The following MYT1L variants were observed in gnomAD, a reference collection of about 807,000 sequenced individuals.
MYT1L encodes the protein myelin transcription factor 1-like protein.
Under a neutral mutation model 126.7 loss-of-function variants are expected in MYT1L, and 12 were observed. That is an observed-to-expected ratio of 0.09 (90% CI 0.06 to 0.15). MYT1L has a LOEUF of 0.15. Ranked by LOEUF, MYT1L falls within the 10% of genes least tolerant of loss-of-function variation. The probability of loss-of-function intolerance (pLI) is 1.00; values close to 1 mark genes in which losing one functional copy is unlikely to be tolerated. For missense variants in MYT1L, 979 were observed against 1,585.2 expected, an observed-to-expected ratio of 0.62 and a Z score of 6.49; for synonymous variants, 541 against 604.2, an observed-to-expected ratio of 0.90 and a Z score of 1.53.
chr2:2,004,310 C>A (rs1246725251), intron 4 of MYT1L, among the ~76,000 whole-genome samples: 1 of 144,776 alleles, frequency 6.9e-6, no homozygotes, highest in Non-Finnish European at 1.5e-5. Context: ...TGCATGCGTT[C>A]TTTCCTGCAG....
At chr2:1,890,235 A>T (rs1273817928) in intron 15 of MYT1L, among the ~76,000 whole-genome samples, 2 of 151,788 alleles carry the variant, frequency 1.3e-5, no homozygotes, top group African/African-American at 4.8e-5. Flanking sequence ...ATGCCCAACT[A>T]ATTTTTGTAT....
intron 18 of MYT1L, among the ~76,000 whole-genome samples, chr2:1,863,538 C>T (rs2044998539): frequency 7.2e-6 from 1 of 139,108 alleles, no homozygotes; most frequent in African/African-American, 2.6e-5. Context: ...GCCACGCTTG[C>T]AGAGTACTGT....
intron 11 of MYT1L, among the ~76,000 whole-genome samples, chr2:1,915,932 G>A (rs192209144): frequency 1.3e-5 from 2 of 152,300 alleles, no homozygotes; most frequent in Admixed American, 1.3e-4. Flanking sequence ...TGCGGGTTCA[G>A]TGAACTTGTG....
chr2:2,249,077 A>G (rs1008216225), intron 2 of MYT1L, among the ~76,000 whole-genome samples: 8 of 152,148 alleles, frequency 5.3e-5, no homozygotes, highest in Non-Finnish European at 1.0e-4. Flanking sequence ...AAGTAAAGTA[A>G]TTCTTGTTTG....
rs528801868 is a variant in MYT1L, at chr2:2,040,923, C to A, written c.-158+13055G>T. ...ATTCTGACACCATCTCCATAGTAAC[C>A]AATGTGCTTAGAAAGCAGAAAAATA... On this transcript the variant is annotated intron_variant, in intron 4 of 24. Coordinates refer to ENST00000647738, the MANE Select transcript of MYT1L (RefSeq NM_001303052.2). Among the ~76,000 whole-genome samples, 6 of 152,148 alleles carry A rather than the reference C, an allele frequency of 3.9e-5. No homozygotes were observed. The East Asian group carries it at 9.6e-4, about 24-fold the overall frequency.
intron 4 of MYT1L, among the ~76,000 whole-genome samples, chr2:2,037,751 C>T (rs1258015279): frequency 5.3e-5 from 8 of 149,978 alleles, no homozygotes; most frequent in African/African-American, 1.2e-4. Context: ...AGCCAGACTC[C>T]GTCTCAAAAA....
chr2:1,979,390 G>T lies in MYT1L; in HGVS notation c.89+131C>A. The T allele has an allele frequency of 8.8e-7, 1 of 1,130,008 alleles. No homozygotes were observed. Among genetic ancestry groups the T allele is most frequent in the Non-Finnish European group, 1.3e-6 (1 of 749,240 alleles). The allele number at this position is 1,130,008 out of a possible 1,614,324, so 70.0% of individuals were successfully genotyped here. On this transcript the variant is annotated intron_variant, in intron 7 of 24. Transcript: ENST00000647738. This position sits in a 1 kb window ranked among gnomAD's most constrained non-coding sequence, Gnocchi z 4.0. ...GAGGCTTTTTACGAGCAAGTCTCGG[G>T]GGAATTAATTTCATCAGTGCAGCAG... is the stretch of plus-strand genomic sequence containing the variant.
intron 2 of MYT1L, among the ~76,000 whole-genome samples, chr2:2,187,779 C>T (rs2092318367): frequency 6.6e-6 from 1 of 152,152 alleles, no homozygotes; most frequent in African/African-American, 2.4e-5. Flanking sequence ...CTGTTATTCT[C>T]TGCTCACAGC....
At chr2:2,121,383 G>A (rs1021952978) in intron 3 of MYT1L, among the ~76,000 whole-genome samples, 18 of 152,006 alleles carry the variant, frequency 1.2e-4, no homozygotes, top group African/African-American at 4.3e-4. Context: ...CACTATGTTG[G>A]CCAGGCTGGT....
At chr2:1,947,194 G>A (rs910744286) in intron 8 of MYT1L, among the ~76,000 whole-genome samples, 18 of 152,214 alleles carry the variant, frequency 1.2e-4, no homozygotes, top group African/African-American at 4.1e-4. Flanking sequence ...TATTCAGTGA[G>A]GTGACTGGGG....
chr2:2,212,263 C>T (rs978977320), intron 2 of MYT1L, among the ~76,000 whole-genome samples: 2 of 128,804 alleles, frequency 1.6e-5, no homozygotes, highest in Admixed American at 7.3e-5. Flanking sequence ...AGTCCCACAT[C>T]GATATTCAAA....
At chr2:1,876,095 T>C (rs908996127) in intron 18 of MYT1L, among the ~76,000 whole-genome samples, 3 of 152,242 alleles carry the variant, frequency 2.0e-5, no homozygotes, top group Non-Finnish European at 4.4e-5. Flanking sequence ...TTTGGCCGCC[T>C]GATTCCCGGG....
In MYT1L at chr2:2,253,219, C is replaced by T. The variant is rs575526456; in HGVS notation, c.-421+31185G>A. On this transcript the variant is annotated intron_variant, in intron 2 of 24. Coordinates refer to ENST00000647738, the MANE Select transcript of MYT1L (RefSeq NM_001303052.2). ...AGCCGGAGCGGGCTCCACTGTCCAG[C>T]CTGGTCTCCATTCCAGCTGCAGCTT... Among the ~76,000 whole-genome samples, 34 of 152,330 alleles carry T rather than the reference C, an allele frequency of 2.2e-4. No individual in the cohort carries two copies. In the South Asian group the frequency reaches 6.6e-3, roughly 30 times the overall value.
intron 9 of MYT1L, among the ~76,000 whole-genome samples, chr2:1,933,371 G>C (rs2055287787): frequency 6.6e-6 from 1 of 152,206 alleles, no homozygotes; most frequent in Non-Finnish European, 1.5e-5. Context: ...ATACCACCTA[G>C]GCTGAGGAAA....
intron 13 of MYT1L, among the ~76,000 whole-genome samples, chr2:1,905,686 C>A (rs191470794): frequency 2.6e-5 from 4 of 152,280 alleles, no homozygotes; most frequent in Admixed American, 1.3e-4. Flanking sequence ...GATCCTATTT[C>A]TTGATTACTA....
intron 4 of MYT1L, among the ~76,000 whole-genome samples, chr2:2,011,437 A>G (rs965242232): frequency 2.6e-5 from 4 of 151,938 alleles, no homozygotes; most frequent in African/African-American, 9.7e-5. Flanking sequence ...AAGAAAAAAA[A>G]AAACTGTAAC....
At chr2:2,233,225 C>G (rs773876877) in intron 2 of MYT1L, among the ~76,000 whole-genome samples, 1 of 152,154 alleles carries the variant, frequency 6.6e-6, no homozygotes, top group Non-Finnish European at 1.5e-5. Context: ...AGATGATCAG[C>G]GAGTGACAGG....
chr2:1,917,079 G>T lies in MYT1L; in HGVS notation c.1618+126C>A. On this transcript the variant is annotated intron_variant, in intron 11 of 24. Coordinates refer to ENST00000647738, the MANE Select transcript of MYT1L (RefSeq NM_001303052.2). The surrounding 1 kb of genome is among the most constrained non-coding windows in gnomAD (Gnocchi z 5.9). ...CTGGATCAGTTGCCCATCAAGTTAA[G>T]TAGGGGCCTAGTTAAATCAGGTCGC... 1 of 1,231,774 alleles carries T rather than the reference G, an allele frequency of 8.1e-7. No homozygotes were observed. The highest frequency in any genetic ancestry group is 1.1e-6 in the Non-Finnish European group (1 of 891,944). The allele number at this position is 1,231,774 out of a possible 1,614,324, so 76.3% of individuals were successfully genotyped here.
intron 2 of MYT1L, among the ~76,000 whole-genome samples, chr2:2,280,739 A>G (rs2095435921): frequency 6.6e-6 from 1 of 152,164 alleles, no homozygotes. Flanking sequence ...GGAGGTGGAG[A>G]GGAAGCTTCA....
Sources: gnomAD v4.1 joint callset for allele counts (sites outside exome capture counted in the v4.1 genomes callset) on GRCh38, gnomAD v4.1.1 for gene constraint, Gnocchi (gnomAD v3.1) non-coding constraint, MANE v1.5 for transcripts, NCBI Gene and HGNC (gene_info 2026-07-23, HGNC 2026-07-21) for gene names.